Variants in ABCA9 observed in about 807,000 individuals in gnomAD.
ABCA9 encodes ATP-binding cassette sub-family A member 9.
A neutral mutation model predicts 205.3 loss-of-function variants in ABCA9; 183 were observed. The observed-to-expected ratio is 0.89, with a 90% CI of 0.79 to 1.01. The LOEUF is 1.01. Among genes scored for constraint, ABCA9 ranks in the 50% least tolerant of loss-of-function variants. The pLI, the probability that ABCA9 is intolerant of heterozygous loss-of-function variation, is 0.00. For missense variants in ABCA9, 1,805 were observed against 1,912.4 expected, an observed-to-expected ratio of 0.94 and a Z score of 1.05; for synonymous variants, 651 against 683.3, an observed-to-expected ratio of 0.95 and a Z score of 0.74.
At chr17:68,999,791 G>A (rs1428718860) in intron 25 of ABCA9, among the ~76,000 whole-genome samples, 2 of 151,842 alleles carry the variant, frequency 1.3e-5, no homozygotes, top group African/African-American at 4.8e-5. Flanking sequence ...AGCACCTGTT[G>A]TTTCCTGACT....
the ABCA9 span, among the ~76,000 whole-genome samples, chr17:69,076,268 T>C: frequency 6.6e-6 from 1 of 152,152 alleles, no homozygotes; most frequent in South Asian, 2.1e-4. Flanking sequence ...CCACATCTAG[T>C]GATATACTCA....
chr17:69,065,218 T>C (rs1424623887), upstream of ABCA9, among the ~76,000 whole-genome samples: 1 of 152,224 alleles, frequency 6.6e-6, no homozygotes, highest in Non-Finnish European at 1.5e-5. Flanking sequence ...TTTTAAGTTC[T>C]GGGAAAATTT....
chr17:69,018,228 GA>G, intron 20 of ABCA9, 184 bp downstream of exon 20: 1 of 519,226 alleles, frequency 1.9e-6, no homozygotes, highest in Non-Finnish European at 3.2e-6. Context: ...TAAACTTGCA[GA>G]ATCTATTTCT....
At chr17:69,026,249 G>C in intron 16 of ABCA9, 128 bp downstream of exon 16, 1 of 696,258 alleles carries the variant, frequency 1.4e-6, no homozygotes, top group South Asian at 2.1e-5. Context: ...TTATGCCTTA[G>C]TTCTACCATA....
chr17:69,053,235 T>C (rs1012956752), intron 1 of ABCA9, among the ~76,000 whole-genome samples: 9 of 152,196 alleles, frequency 5.9e-5, no homozygotes, highest in Non-Finnish European at 1.3e-4. Context: ...ACCAGTCCTA[T>C]CCTGAAGCAA....
chr17:68,976,267 A>C, intron 37 of ABCA9, 77 bp from the exon 38 acceptor site: 2 of 1,156,044 alleles, frequency 1.7e-6, no homozygotes, highest in South Asian at 2.6e-5. Flanking sequence ...ACCAAAATAC[A>C]TACAAGTAGA....
chr17:68,985,137 A>G lies in ABCA9; in HGVS notation c.4209-9T>C. The G allele has an allele frequency of 6.2e-7, 1 of 1,614,216 alleles. No homozygotes were observed. The highest frequency in any genetic ancestry group is 2.2e-5 in the East Asian group (1 of 44,884). On this transcript the variant is annotated splice_polypyrimidine_tract_variant and intron_variant, in intron 32 of 38. Coordinates refer to ENST00000340001, the MANE Select transcript of ABCA9 (RefSeq NM_080283.4). ...TGAGCGCATCCACTAACCTGAAGAA[A>G]ACAGAGTCAATCCACATAATCCCAA...
chr17:68,976,103 T>C, intron 38 of ABCA9, 32 bp downstream of exon 38: 6 of 1,607,900 alleles, frequency 3.7e-6, no homozygotes, highest in Non-Finnish European at 4.3e-6. Flanking sequence ...GTATATTCCA[T>C]GGATGATATA....
chr17:69,017,997 C>CATT (rs1402217594), intron 20 of ABCA9: 4 of 498,898 alleles, frequency 8.0e-6, no homozygotes, highest in African/African-American at 7.9e-5. Flanking sequence ...CTAGGCATTT[C>CATT]ATTATAATTT....
At chr17:69,002,660 C>A (rs896614214) in intron 25 of ABCA9, among the ~76,000 whole-genome samples, 8 of 150,660 alleles carry the variant, frequency 5.3e-5, no homozygotes, top group African/African-American at 1.9e-4. Flanking sequence ...GAGTTCAATT[C>A]CTGGGTATCC....
At chr17:68,994,698 C>T (rs958292154) in intron 26 of ABCA9, among the ~76,000 whole-genome samples, 1 of 152,178 alleles carries the variant, frequency 6.6e-6, no homozygotes, top group South Asian at 2.1e-4. Context: ...AAACTCTCTG[C>T]CTCCTATGTT....
rs560219010 is a variant in ABCA9, at chr17:69,001,336, A to C, written c.3436-5322T>G. On this transcript the variant is annotated intron_variant, in intron 25 of 38. Coordinates refer to ENST00000340001, the MANE Select transcript of ABCA9 (RefSeq NM_080283.4). ...GAGTTTTTAGCATGCAAGGTTGTTG[A>C]ATTTTGTCAAAGGCCTTTTCTGCAT... Among the ~76,000 whole-genome samples, 6 of 152,184 alleles carry C rather than the reference A, an allele frequency of 3.9e-5. 1 individual carries two copies. The highest frequency in any genetic ancestry group is 3.9e-4 in the East Asian group (2 of 5,182).
chr17:69,034,009 T>C (rs778005670), intron 8 of ABCA9, 136 bp from the exon 9 acceptor site: 8 of 678,642 alleles, frequency 1.2e-5, no homozygotes, highest in Non-Finnish European at 1.9e-5. Flanking sequence ...CTGTCTACTA[T>C]TATAGAAGAC....
intron 23 of ABCA9, among the ~76,000 whole-genome samples, chr17:69,008,675 T>C (rs1351363797): frequency 6.6e-6 from 1 of 152,222 alleles, no homozygotes; most frequent in Non-Finnish European, 1.5e-5. Context: ...TAAGAAATGG[T>C]CCTCTAGTTG....
At chr17:69,036,296 CTG>C (rs2071336634) in intron 6 of ABCA9, among the ~76,000 whole-genome samples, 2 of 152,114 alleles carry the variant, frequency 1.3e-5, no homozygotes, top group Admixed American at 1.3e-4. Context: ...TGATGTGTGG[CTG>C]TGTTTCAATA....
intron 9 of ABCA9, chr17:69,032,944 C>G (rs2071202628): frequency 6.6e-6 from 1 of 152,046 alleles, no homozygotes; most frequent in Non-Finnish European, 1.5e-5. Flanking sequence ...TAGCACTTAC[C>G]TAGTATATAC....
Position 69,027,799 on chromosome 17 carries a change from A to C in ABCA9, c.1632T>G (p.Tyr544Ter), listed in dbSNP as rs1473775780. The change falls in exon 13 of 39, where the codon TAT becomes TAG. Residue 544 changes from tyrosine (Y) to a stop codon, truncating the protein, a stop_gained. Transcript: ENST00000340001. LOFTEE classifies it high-confidence loss of function. ...CAGCCATTCTTGAAAGTGTGTGATT[A>C]TAGACAGTGACTGAACCTGAAAGCA... ...SVPTSGSVTV[Y>*]NHTLSRMADI... is the part of the protein sequence containing the mutation. 1 of 1,608,818 alleles carries C rather than the reference A, an allele frequency of 6.2e-7. No individual in the cohort carries two copies. The highest frequency in any genetic ancestry group is 8.5e-7 in the Non-Finnish European group (1 of 1,177,792).
intron 25 of ABCA9, among the ~76,000 whole-genome samples, chr17:69,004,414 TC>T (rs1567933005): frequency 2.0e-5 from 3 of 152,200 alleles, no homozygotes; most frequent in Admixed American, 1.3e-4. Flanking sequence ...GGAGGGTGCC[TC>T]CCAGTTAGGC....
chr17:69,061,766 G>A (rs1043781427), upstream of ABCA9, among the ~76,000 whole-genome samples: 11 of 152,180 alleles, frequency 7.2e-5, no homozygotes, highest in African/African-American at 2.7e-4. Flanking sequence ...AGCATCTTAT[G>A]TAAGTAGAAG....
Sources: allele counts gnomAD v4.1 joint callset (sites outside exome capture counted in the v4.1 genomes callset), GRCh38; gene constraint gnomAD v4.1.1; transcripts MANE v1.5; gene names NCBI Gene and HGNC (gene_info 2026-07-23, HGNC 2026-07-21).